Variants in PPARGC1B observed in about 807,000 individuals in gnomAD.
The protein encoded by PPARGC1B is peroxisome proliferator-activated receptor gamma coactivator 1-beta.
Under a neutral mutation model 101.6 loss-of-function variants are expected in PPARGC1B, and 34 were observed. That is an observed-to-expected ratio of 0.33 (90% CI 0.25 to 0.45). The LOEUF (loss-of-function observed/expected upper bound fraction) is 0.45. Among genes scored for constraint, PPARGC1B ranks in the 20% least tolerant of loss-of-function variants. The probability of loss-of-function intolerance (pLI) is 1.00; values close to 1 mark genes in which losing one functional copy is unlikely to be tolerated. For synonymous variants in PPARGC1B, 548 were observed against 539.3 expected (o/e 1.02, Z -0.22); for missense variants, 1,234 against 1,317.6 (o/e 0.94, Z 0.98).
chr5:149,778,985 A>C lies in PPARGC1B; in HGVS notation c.79-41448A>C, dbSNP rs550947003. ...GGAGTTTCGTCACAGACCAGTGTCT[A>C]GGGAGCCCTAGAAAGCTGTTACTCC... On this transcript the variant is annotated intron_variant, in intron 1 of 11. Coordinates refer to ENST00000309241, the MANE Select transcript of PPARGC1B (RefSeq NM_133263.4). Among the ~76,000 whole-genome samples, 11 of 152,270 alleles carry C rather than the reference A, an allele frequency of 7.2e-5. No homozygotes were observed. In the South Asian group the frequency reaches 2.3e-3, roughly 32 times the overall value.
intron 1 of PPARGC1B, among the ~76,000 whole-genome samples, chr5:149,755,503 C>T (rs1358539863): frequency 2.6e-5 from 4 of 152,028 alleles, no homozygotes; most frequent in Admixed American, 2.6e-4. Flanking sequence ...AGATGTAAAC[C>T]CTGGACTGTG....
intron 1 of PPARGC1B, among the ~76,000 whole-genome samples, chr5:149,749,396 G>T (rs1755207397): frequency 6.6e-6 from 1 of 152,222 alleles, no homozygotes; most frequent in African/African-American, 2.4e-5. Flanking sequence ...GGACGGGAAT[G>T]TGAGACTTGT....
Position 149,837,239 on chromosome 5 carries a change from T to C in PPARGC1B, c.2618+166T>C, listed in dbSNP as rs1271727393. On this transcript the variant is annotated intron_variant, in intron 8 of 11. Coordinates refer to ENST00000309241, the MANE Select transcript of PPARGC1B (RefSeq NM_133263.4). This position sits in a 1 kb window ranked among gnomAD's most constrained non-coding sequence, Gnocchi z 4.2. ...GTCAGGAGCCTTGAAGGTGGTCTTC[T>C]GGGGCAGTTGTGGGTGAGTTCTGGA... is the stretch of plus-strand genomic sequence containing the variant. Among the ~76,000 whole-genome samples, 1 of 152,156 alleles carries C rather than the reference T, an allele frequency of 6.6e-6. No individual in the cohort carries two copies. The highest frequency in any genetic ancestry group is 1.5e-5 in the Non-Finnish European group (1 of 68,030).
chr5:149,803,876 C>T (rs115615985), intron 1 of PPARGC1B, among the ~76,000 whole-genome samples: 124 of 152,352 alleles, frequency 8.1e-4, no homozygotes, highest in African/African-American at 2.9e-3. Context: ...GCCAGAGCCT[C>T]GAGTCTGCAG....
chr5:149,845,865 G>A lies in PPARGC1B; in HGVS notation c.2922G>A (p.Leu974=). 3.1e-6 allele frequency: 5 copies of A among 1,614,242 alleles called. No individual in the cohort carries two copies. The highest frequency in any genetic ancestry group is 4.2e-6 in the Non-Finnish European group (5 of 1,180,046). The change falls in exon 11 of 12, where the codon CTG becomes CTA. Residue 974 remains leucine (L), a synonymous_variant. Transcript: ENST00000309241. The part of the protein sequence containing the change: ...LRKRNEPSFQ[L]SYGGLRHFCW... ...AGCGCAACGAGCCCTCCTTCCAGCT[G>A]AGCTACGGAGGGCTCCGGCACTTCT...
intron 1 of PPARGC1B, among the ~76,000 whole-genome samples, chr5:149,773,668 A>C (rs116303512): frequency 3.7e-4 from 57 of 152,336 alleles, no homozygotes; most frequent in African/African-American, 1.3e-3. Flanking sequence ...GAGGAGGCTA[A>C]CAGACACGGT....
At chr5:149,818,859 ATTG>A (rs753665261) in intron 1 of PPARGC1B, 111 of 456,576 alleles carry the variant, frequency 2.4e-4, no homozygotes, top group Non-Finnish European at 4.2e-4. Context: ...TAAGGCAGAT[ATTG>A]TTGTTGTCCA....
intron 1 of PPARGC1B, among the ~76,000 whole-genome samples, chr5:149,777,065 G>A (rs1460915074): frequency 6.6e-6 from 1 of 152,222 alleles, no homozygotes; most frequent in Non-Finnish European, 1.5e-5. Context: ...CTGGGCCTGA[G>A]CCTCAGAAGG....
intron 1 of PPARGC1B, among the ~76,000 whole-genome samples, chr5:149,763,531 T>G (rs1268669661): frequency 3.7e-5 from 5 of 136,088 alleles, no homozygotes; most frequent in Non-Finnish European, 6.4e-5. Flanking sequence ...TCCTGGTTTT[T>G]TTTTTTTTTT....
intron 3 of PPARGC1B, among the ~76,000 whole-genome samples, chr5:149,830,246 CTT>C (rs74273665): frequency 7.2e-6 from 1 of 138,546 alleles, no homozygotes; most frequent in Non-Finnish European, 1.6e-5. Flanking sequence ...GATGTGTCTT[CTT>C]TTTTTTTTTT....
chr5:149,842,061 T>G (rs1759363122), intron 9 of PPARGC1B, among the ~76,000 whole-genome samples, 195 bp from the exon 10 acceptor site: 1 of 152,138 alleles, frequency 6.6e-6, no homozygotes, highest in Admixed American at 6.5e-5. Context: ...CCTCTTCCCT[T>G]CCAACACCCT....
chr5:149,802,310 C>T (rs1484511498), intron 1 of PPARGC1B, among the ~76,000 whole-genome samples: 1 of 152,336 alleles, frequency 6.6e-6, no homozygotes, highest in African/African-American at 2.4e-5. Flanking sequence ...TCTGGCAGCA[C>T]TCAATTTGCG....
chr5:149,806,426 T>C (rs773172436), intron 1 of PPARGC1B, among the ~76,000 whole-genome samples: 17 of 152,126 alleles, frequency 1.1e-4, no homozygotes, highest in Non-Finnish European at 2.1e-4. Flanking sequence ...CTGGGTTATT[T>C]ATAACAGTGT....
chr5:149,776,233 A>G (rs575983730), intron 1 of PPARGC1B, among the ~76,000 whole-genome samples: 4 of 152,224 alleles, frequency 2.6e-5, no homozygotes, highest in Non-Finnish European at 4.4e-5. Context: ...GGGCTGAACC[A>G]TAGCCTCACT....
downstream of PPARGC1B, among the ~76,000 whole-genome samples, chr5:149,857,451 G>T (rs185181358): frequency 2.0e-5 from 3 of 152,206 alleles, no homozygotes; most frequent in Admixed American, 6.5e-5. Context: ...ATCAATGCCC[G>T]TGTGTTCCTG....
intron 1 of PPARGC1B, among the ~76,000 whole-genome samples, chr5:149,810,622 G>C (rs1222568461): frequency 6.6e-6 from 1 of 152,238 alleles, no homozygotes; most frequent in Non-Finnish European, 1.5e-5. Context: ...GAGACTGCCT[G>C]TTCTCTCTTT....
rs755962120 is a variant in PPARGC1B at position 149,834,703 on chromosome 5, T to G, written c.1735T>G (p.Ser579Ala). The part of the protein sequence containing the change: ...DSPRCLMLAL[S>A]QSDPTFGKKS... ...TCCCAGGTGCCTCATGCTGGCCTTGTCACAAAGGTAGATTTTTAGAAATTA... is the reference window on the plus strand; with the variant it reads ...TCCCAGGTGCCTCATGCTGGCCTTGGCACAAAGGTAGATTTTTAGAAATTA... Residue 579 changes from serine to alanine, a missense_variant, in exon 6 of 12, where the codon TCA becomes GCA. Ser to Ala is a moderately conservative substitution (Grantham distance 99). This residue lies in a region of PPARGC1B where 734 missense variants were observed against 768.4 expected (regional missense o/e 0.96). Coordinates refer to ENST00000309241, the MANE Select transcript of PPARGC1B (RefSeq NM_133263.4). 3 of 1,613,098 alleles carry G rather than the reference T, an allele frequency of 1.9e-6. No individual in the cohort carries two copies. The South Asian group carries it at 3.3e-5, about 18-fold the overall frequency.
chr5:149,845,677 C>A, intron 10 of PPARGC1B, 83 bp from the exon 11 acceptor site: 1 of 1,417,110 alleles, frequency 7.1e-7, no homozygotes, highest in South Asian at 1.4e-5. Flanking sequence ...CTGTGGCAGT[C>A]GGTTCCTCAT....
intron 10 of PPARGC1B, among the ~76,000 whole-genome samples, chr5:149,843,266 G>A (rs1759421676): frequency 6.6e-6 from 1 of 152,132 alleles, no homozygotes; most frequent in African/African-American, 2.4e-5. Flanking sequence ...AAAAGAACAG[G>A]TTTCATATGA....
Sources: allele counts gnomAD v4.1 joint callset (sites outside exome capture counted in the v4.1 genomes callset), GRCh38; gene constraint gnomAD v4.1.1; regional missense constraint gnomAD v4.1.1; non-coding constraint Gnocchi (gnomAD v3.1); transcripts MANE v1.5; gene names NCBI Gene and HGNC (gene_info 2026-07-23, HGNC 2026-07-21).